Variants in SYT10 observed in about 807,000 individuals in gnomAD.
The protein encoded by SYT10 is synaptotagmin-10.
A neutral mutation model predicts 51.1 loss-of-function variants in SYT10; 31 were observed. That is an observed-to-expected ratio of 0.61 (90% confidence interval 0.46 to 0.82). The LOEUF is 0.82. Ranked by LOEUF, SYT10 falls within the 40% of genes least tolerant of loss-of-function variation. SYT10 has a pLI of 0.00. For synonymous variants in SYT10, 233 were observed against 225.9 expected, an observed-to-expected ratio of 1.03 and a Z score of -0.28; for missense variants, 603 against 634.0, an observed-to-expected ratio of 0.95 and a Z score of 0.53.
intron 1 of SYT10, among the ~76,000 whole-genome samples, chr12:33,437,510 G>A (rs1474174198): frequency 6.6e-6 from 1 of 152,136 alleles, no homozygotes; most frequent in Non-Finnish European, 1.5e-5. Flanking sequence ...GCTGGGATTT[G>A]GTTTCTAACT....
At chr12:33,414,080 A>G (rs1437627205) in intron 2 of SYT10, among the ~76,000 whole-genome samples, 1 of 152,082 alleles carries the variant, frequency 6.6e-6, no homozygotes, top group Non-Finnish European at 1.5e-5. Context: ...ATCAAAAGAG[A>G]CAAAGAAGGC....
At chr12:33,395,162 T>C (rs2138400730) in intron 3 of SYT10, among the ~76,000 whole-genome samples, 2 of 152,308 alleles carry the variant, frequency 1.3e-5, no homozygotes, top group South Asian at 4.1e-4. Context: ...AAAACAAAAT[T>C]GTTTTTGTGG....
chr12:33,437,707 G>T (rs1367489894), intron 1 of SYT10, among the ~76,000 whole-genome samples: 1 of 152,076 alleles, frequency 6.6e-6, no homozygotes, highest in South Asian at 2.1e-4. Flanking sequence ...TTCTCTGAGT[G>T]TTACCTTTAG....
At chr12:33,416,003 C>A (rs1162980756) in intron 2 of SYT10, among the ~76,000 whole-genome samples, 2 of 152,082 alleles carry the variant, frequency 1.3e-5, no homozygotes, top group African/African-American at 4.8e-5. Context: ...CTGTTATTTC[C>A]CCATGGCCCT....
At chr12:33,421,720 G>A (rs1438852978) in intron 2 of SYT10, among the ~76,000 whole-genome samples, 1 of 152,016 alleles carries the variant, frequency 6.6e-6, no homozygotes, top group Non-Finnish European at 1.5e-5. Flanking sequence ...GAAACAGCTG[G>A]AGCTCAATAT....
chr12:33,410,722 T>C (rs57149453), intron 2 of SYT10, among the ~76,000 whole-genome samples: 5,860 of 151,862 alleles, frequency 0.039, 362 homozygotes, highest in African/African-American at 0.13. Flanking sequence ...AGAAAGTCTA[T>C]GGAAAAATGA....
chr12:33,395,877 T>C (rs1227151729), intron 3 of SYT10, among the ~76,000 whole-genome samples: 1 of 152,210 alleles, frequency 6.6e-6, no homozygotes, highest in East Asian at 1.9e-4. Context: ...TCATTTCTTT[T>C]CCTTTCTCTT....
chr12:33,433,713 TAGAA>T (rs1176499105), intron 1 of SYT10, among the ~76,000 whole-genome samples: 2 of 152,168 alleles, frequency 1.3e-5, no homozygotes, highest in African/African-American at 2.4e-5. Context: ...GAAAATCTAA[TAGAA>T]AGGTTTGAGA....
intron 1 of SYT10, among the ~76,000 whole-genome samples, chr12:33,437,760 T>TCACCACAGAGG (rs1326573043): frequency 6.6e-6 from 1 of 152,040 alleles, no homozygotes; most frequent in Non-Finnish European, 1.5e-5. Context: ...TTATCTAATA[T>TCACCACAGAGG]CACCACAGAG....
chr12:33,378,293 T>G (rs1460415617), intron 6 of SYT10, among the ~76,000 whole-genome samples: 1 of 152,192 alleles, frequency 6.6e-6, no homozygotes, highest in Non-Finnish European at 1.5e-5. Flanking sequence ...AACATGTGCC[T>G]ATTACATAAT....
At chr12:33,413,972 T>C (rs1336045654) in intron 2 of SYT10, among the ~76,000 whole-genome samples, 1 of 151,704 alleles carries the variant, frequency 6.6e-6, no homozygotes, top group East Asian at 1.9e-4. Context: ...AGGCTCAAAG[T>C]AAAGGGATGG....
At chr12:33,386,254 C>T (rs548616351) in intron 3 of SYT10, among the ~76,000 whole-genome samples, 1 of 152,194 alleles carries the variant, frequency 6.6e-6, no homozygotes, top group South Asian at 2.1e-4. Flanking sequence ...AGTGATGTGC[C>T]CACCTCAGCC....
intron 6 of SYT10, among the ~76,000 whole-genome samples, chr12:33,378,840 G>C (rs1866088191): frequency 6.8e-6 from 1 of 147,096 alleles, no homozygotes; most frequent in Non-Finnish European, 1.5e-5. Context: ...GTGTGTGTGT[G>C]TGTGTGTGTT....
intron 3 of SYT10, 62 bp from the exon 4 acceptor site, chr12:33,385,353 C>T (rs1866148884): frequency 1.9e-6 from 3 of 1,583,890 alleles, no homozygotes; most frequent in Non-Finnish European, 2.6e-6. Context: ...CAAAAATAAT[C>T]ATTTTAGTAG....
Position 33,426,278 on chromosome 12 carries a change from G to A in SYT10, c.369C>T (p.Ala123=), listed in dbSNP as rs11832759. The change falls in exon 2 of 7, where the codon GCC becomes GCT. Residue 123 remains alanine (A), a synonymous_variant. Coordinates refer to ENST00000228567, the MANE Select transcript of SYT10 (RefSeq NM_198992.4). The part of the protein sequence containing the change: ...KKEIKENEKP[A]VKAIEPAIKI... ...TTATTGCAGGCTCAATAGCTTTTAC[G>A]GCTGGCTTTTCATTTTCCTTAATTT... 7,286 of 1,613,978 alleles carry A rather than the reference G, an allele frequency of 4.5e-3. 309 individuals are homozygous for A. The African/African-American group carries it at 0.086, about 19-fold the overall frequency.
rs1317326393 is a variant in SYT10 at position 33,406,888 on chromosome 12, T to A, written c.978A>T (p.Arg326Ser). ...GAATCACTTCCCCAATCATGTCATGTCTAGAAAATCTGTCAAAATCATACA... is the reference window on the plus strand; with the variant it reads ...GAATCACTTCCCCAATCATGTCATGACTAGAAAATCTGTCAAAATCATACA... ...FSVYDFDRFS[R>S]HDMIGEVILD... The change falls in exon 3 of 7, where the codon AGA becomes AGT. Residue 326 changes from arginine (R) to serine (S), a missense_variant. Arg to Ser is a moderately radical substitution (Grantham distance 110). Transcript: ENST00000228567. The A allele has an allele frequency of 1.2e-6, 2 of 1,614,104 alleles. No individual in the cohort carries two copies. Among genetic ancestry groups the A allele is most frequent in the East Asian group, 2.2e-5 (1 of 44,850 alleles).
intron 3 of SYT10, among the ~76,000 whole-genome samples, chr12:33,387,088 G>T (rs779722005): frequency 1.3e-5 from 2 of 152,136 alleles, no homozygotes; most frequent in African/African-American, 2.4e-5. Context: ...ATAACTCGCT[G>T]ATTATGCACC....
At position 33,398,843 on chromosome 12, in the gene SYT10, T is replaced by C. The variant is rs144460258; in HGVS notation, c.1077+7946A>G. On this transcript the variant is annotated intron_variant, in intron 3 of 6. Coordinates refer to ENST00000228567, the MANE Select transcript of SYT10 (RefSeq NM_198992.4). ...AAACTATGGTTAGCCTTCTCATAAT[T>C]CCCATTTTACAGATACTATAATTAA... 6.9e-3 allele frequency among the ~76,000 whole-genome samples: 1,055 copies of C among 152,276 alleles called. 11 individuals carry two copies. Among genetic ancestry groups the C allele is most frequent in the African/African-American group, 0.023 (976 of 41,564 alleles).
At chr12:33,394,090 A>G (rs1866233463) in intron 3 of SYT10, among the ~76,000 whole-genome samples, 1 of 152,280 alleles carries the variant, frequency 6.6e-6, no homozygotes, top group South Asian at 2.1e-4. Context: ...TGTTATGATA[A>G]CAGTGTGTTT....
Sources: allele counts gnomAD v4.1 joint callset (sites outside exome capture counted in the v4.1 genomes callset), GRCh38; gene constraint gnomAD v4.1.1; transcripts MANE v1.5; gene names NCBI Gene and HGNC (gene_info 2026-07-23, HGNC 2026-07-21).